GPR55: variants seen among roughly 807,000 people sequenced by gnomAD.
The protein encoded by GPR55 is G protein-coupled receptor 55.
GPR55 carries 6 observed loss-of-function variants against 7.9 expected under a neutral mutation model. The observed-to-expected ratio is 0.76, with a 90% CI of 0.41 to 1.49. The LOEUF (loss-of-function observed/expected upper bound fraction) is 1.49, where lower values mean the gene tolerates loss of function less well. GPR55 is among the 40% of genes most tolerant of loss of function. The pLI, the probability that GPR55 is intolerant of heterozygous loss-of-function variation, is 0.01. For synonymous variants in GPR55, 183 were observed against 166.8 expected, an observed-to-expected ratio of 1.10 and a Z score of -0.75; for missense variants, 376 against 406.0, an observed-to-expected ratio of 0.93 and a Z score of 0.63.
chr2:230,950,460 T>G (rs537582838), intron 1 of GPR55, among the ~76,000 whole-genome samples: 68 of 152,356 alleles, frequency 4.5e-4, no homozygotes, highest in Middle Eastern at 3.4e-3. Context: ...TTTCTCGTTT[T>G]GCTCTTCTTT....
At chr2:230,921,793 T>C (rs1379751524) in intron 1 of GPR55, among the ~76,000 whole-genome samples, 1 of 152,194 alleles carries the variant, frequency 6.6e-6, no homozygotes, top group African/African-American at 2.4e-5. Flanking sequence ...GCTGTCTGTC[T>C]GCAGGGGCTG....
At chr2:230,954,459 C>T (rs1483616411) in intron 1 of GPR55, among the ~76,000 whole-genome samples, 4 of 152,136 alleles carry the variant, frequency 2.6e-5, no homozygotes, top group African/African-American at 4.8e-5. Context: ...CGAAGCCTCC[C>T]GGCCTTAAAC....
At chr2:230,953,810 A>C (rs925691168) in intron 1 of GPR55, among the ~76,000 whole-genome samples, 2 of 152,156 alleles carry the variant, frequency 1.3e-5, no homozygotes, top group Non-Finnish European at 2.9e-5. Context: ...TCCAGCATAC[A>C]CATCTGTCCA....
At chr2:230,914,347 TG>T (rs1413773552) in intron 1 of GPR55, among the ~76,000 whole-genome samples, 1 of 152,194 alleles carries the variant, frequency 6.6e-6, no homozygotes, top group Non-Finnish European at 1.5e-5. Flanking sequence ...AGACTTCAAA[TG>T]GAAGCTTCTC....
intron 1 of GPR55, among the ~76,000 whole-genome samples, chr2:230,945,601 C>T (rs1171280060): frequency 1.3e-5 from 2 of 152,224 alleles, no homozygotes; most frequent in Non-Finnish European, 2.9e-5. Flanking sequence ...GAGACGGAGT[C>T]TCGCTCTGTC....
At chr2:230,919,881 T>G (rs779626615) in intron 1 of GPR55, among the ~76,000 whole-genome samples, 1 of 152,108 alleles carries the variant, frequency 6.6e-6, no homozygotes, top group African/African-American at 2.4e-5. Context: ...CTGACTGTTA[T>G]GTTTATGCTG....
At chr2:230,917,991 C>T (rs1690753986) in intron 1 of GPR55, among the ~76,000 whole-genome samples, 1 of 151,406 alleles carries the variant, frequency 6.6e-6, no homozygotes, top group Non-Finnish European at 1.5e-5. Flanking sequence ...ACACATTGCC[C>T]TAACTGCTTT....
intron 1 of GPR55, among the ~76,000 whole-genome samples, chr2:230,922,400 G>A (rs1690858530): frequency 6.6e-6 from 1 of 152,024 alleles, no homozygotes; most frequent in African/African-American, 2.4e-5. Flanking sequence ...GTTTAAGTTA[G>A]CATCTTGCTT....
chr2:230,929,818 A>T (rs889082989), upstream of GPR55: 36 of 152,252 alleles, frequency 2.4e-4, 1 homozygote, highest in African/African-American at 8.0e-4. Flanking sequence ...TGCCAAATGC[A>T]GGGGAGGAGA....
chr2:230,948,003 G>A (rs1004450766), intron 1 of GPR55, among the ~76,000 whole-genome samples: 1 of 152,284 alleles, frequency 6.6e-6, no homozygotes, highest in Non-Finnish European at 1.5e-5. Context: ...ATCAGTGGAT[G>A]AAGCCTGCAG....
intron 1 of GPR55, among the ~76,000 whole-genome samples, chr2:230,945,330 T>C (rs1438693031): frequency 6.6e-6 from 1 of 151,644 alleles, no homozygotes; most frequent in Admixed American, 6.6e-5. Flanking sequence ...GGGCAAGCGC[T>C]GGATAGAGGA....
At position 230,910,158 on chromosome 2, in the gene GPR55, A is replaced by G; in HGVS notation, c.805T>C (p.Phe269Leu). Residue 269 changes from phenylalanine (F) to leucine (L), a missense_variant, in exon 2 of 2, where the codon TTC (phenylalanine) becomes CTC (leucine). Coordinates refer to ENST00000650999, the MANE Select transcript of GPR55 (RefSeq NM_005683.4). The surrounding 1 kb of genome is among the most constrained non-coding windows in gnomAD (Gnocchi z 5.4). Reference protein sequence around the residue: ...ECRAKQSISFFLQLSMCFSNV... With the variant: ...ECRAKQSISFLLQLSMCFSNV... ...GAGAAACACATGGACAATTGCAAGA[A>G]GAAGCTGATGCTCTGCTTGGCTCTG... The G allele has an allele frequency of 6.2e-7, 1 of 1,614,184 alleles. No homozygotes were observed. The highest frequency in any genetic ancestry group is 8.5e-7 in the Non-Finnish European group (1 of 1,180,000).
intron 1 of GPR55, among the ~76,000 whole-genome samples, chr2:230,951,731 T>A (rs1295672788): frequency 6.7e-6 from 1 of 148,808 alleles, no homozygotes; most frequent in African/African-American, 2.5e-5. Flanking sequence ...GAAGGTACAT[T>A]TGTGGGTTTT....
chr2:230,948,804 G>A (rs143416712), intron 1 of GPR55, among the ~76,000 whole-genome samples: 16 of 152,308 alleles, frequency 1.1e-4, no homozygotes, highest in African/African-American at 2.4e-4. Flanking sequence ...AGGGTTGGGC[G>A]AGGTGGCTCA....
chr2:230,946,238 G>C (rs1231825190), intron 1 of GPR55, among the ~76,000 whole-genome samples: 3 of 152,182 alleles, frequency 2.0e-5, no homozygotes, highest in African/African-American at 7.2e-5. Flanking sequence ...AGGGGGAGAT[G>C]TTGGTCAAAG....
intron 1 of GPR55, among the ~76,000 whole-genome samples, chr2:230,947,540 GTC>G (rs930203229): frequency 7.5e-6 from 1 of 132,948 alleles, no homozygotes; most frequent in African/African-American, 2.9e-5. Flanking sequence ...GTCTCACTCT[GTC>G]TCTCAGGCTA....
intron 1 of GPR55, among the ~76,000 whole-genome samples, chr2:230,958,837 G>A (rs1383311545): frequency 1.3e-5 from 2 of 152,156 alleles, no homozygotes; most frequent in Non-Finnish European, 2.9e-5. Context: ...CATATTTTCT[G>A]AATCAGTTAT....
At chr2:230,957,477 A>C in intron 1 of GPR55, 1 of 351,394 alleles carries the variant, frequency 2.8e-6, no homozygotes, top group Admixed American at 4.0e-5. Context: ...TGCTCAGAAC[A>C]GCGCGTGATT....
intron 1 of GPR55, chr2:230,958,042 C>T (rs1370050348): frequency 7.4e-6 from 2 of 269,884 alleles, no homozygotes; most frequent in African/African-American, 4.6e-5. Flanking sequence ...GTACAATAAG[C>T]TCTCAATCAA....
Sources: allele counts gnomAD v4.1 joint callset (sites outside exome capture counted in the v4.1 genomes callset), GRCh38; gene constraint gnomAD v4.1.1; non-coding constraint Gnocchi (gnomAD v3.1); transcripts MANE v1.5; gene names NCBI Gene and HGNC (gene_info 2026-07-23, HGNC 2026-07-21).